Variants in PYROXD2 observed in about 807,000 individuals in gnomAD.
The protein encoded by PYROXD2 is pyridine nucleotide-disulphide oxidoreductase domain 2, also known as pyridine nucleotide-disulfide oxidoreductase domain-containing protein 2.
PYROXD2 carries 69 observed loss-of-function variants against 71.1 expected under a neutral mutation model. The ratio of observed to expected loss-of-function variants is 0.97; its 90% CI spans 0.80 to 1.19. PYROXD2 has a LOEUF of 1.19. PYROXD2 is among the 50% of genes most tolerant of loss of function. PYROXD2 has a pLI of 0.00. For missense variants in PYROXD2, 745 were observed against 748.9 expected (o/e 0.99, Z 0.06); for synonymous variants, 287 against 302.7 (o/e 0.95, Z 0.54).
At chr10:98,408,522 C>T (rs1843686485) in intron 2 of PYROXD2, among the ~76,000 whole-genome samples, 1 of 152,130 alleles carries the variant, frequency 6.6e-6, no homozygotes, top group African/African-American at 2.4e-5. Context: ...CCGGCTTTAC[C>T]CACTTCATAA....
intron 2 of PYROXD2, among the ~76,000 whole-genome samples, chr10:98,409,118 C>T (rs1486557367): frequency 6.6e-6 from 1 of 152,248 alleles, no homozygotes; most frequent in Non-Finnish European, 1.5e-5. Context: ...TCTCCTATTA[C>T]ACAGGAACGA....
Position 98,392,943 on chromosome 10 carries a change from T to C in PYROXD2, c.926A>G (p.Lys309Arg), listed in dbSNP as rs554216343. 63 of 1,612,872 alleles carry C rather than the reference T, an allele frequency of 3.9e-5. No individual in the cohort carries two copies. In the South Asian group the frequency reaches 6.8e-4, roughly 17 times the overall value. The change falls in exon 9 of 16, where the codon AAG becomes AGG. Residue 309 changes from lysine (K) to arginine (R), a missense_variant and splice_region_variant. Transcript: ENST00000370575. ...TTHGASIFTE[K>R]TVAKVQVNSE... Reference sequence around the variant, plus strand: ...GGGTGGGGTAGAGGGGCCGTTCACCTTTTCAGTGAAGATGCTTGCTCCATG... The same window carrying C: ...GGGTGGGGTAGAGGGGCCGTTCACCCTTTCAGTGAAGATGCTTGCTCCATG...
In PYROXD2 at chr10:98,395,095, T is replaced by C. The variant is rs568771752; in HGVS notation, c.785+101A>G. 7.6e-5 allele frequency: 76 copies of C among 1,000,782 alleles called. No individual in the cohort carries two copies. The African/African-American group carries it at 8.7e-4, about 11-fold the overall frequency. 62.0% of individuals were successfully genotyped at this position (1,000,782 alleles called of 1,614,324 possible). ...GGTTCCTGGCTCACTGGGTGAGCTCTGTTAAGTGGCAGCTGTTGTTGCTGC... is the reference window on the plus strand; with the variant it reads ...GGTTCCTGGCTCACTGGGTGAGCTCCGTTAAGTGGCAGCTGTTGTTGCTGC... On this transcript the variant is annotated intron_variant, in intron 8 of 15. Transcript: ENST00000370575.
chr10:98,410,994 T>C (rs1379355707), intron 1 of PYROXD2, 36 bp from the exon 2 acceptor site: 1 of 1,556,382 alleles, frequency 6.4e-7, no homozygotes, highest in Admixed American at 2.0e-5. Context: ...AAAACATCAC[T>C]GGTCAGCGGG....
Position 98,388,410 on chromosome 10 carries a change from G to A in PYROXD2, c.1391C>T (p.Thr464Met), listed in dbSNP as rs563533592. The stretch of plus-strand genomic sequence containing the variant: ...GTCCCAGGCCTTGCCTCCAGCCAGC[G>A]TATAGGGCATGTACTGAGTGAAGAG... ...VSLFTQYMPY[T>M]LAGGKAWDEQ... The change falls in exon 13 of 16, where the codon ACG becomes ATG. Residue 464 changes from threonine (T) to methionine (M), a missense_variant. Coordinates refer to ENST00000370575, the MANE Select transcript of PYROXD2 (RefSeq NM_032709.3). 31 of 1,613,674 alleles carry A rather than the reference G, an allele frequency of 1.9e-5. No homozygotes were observed. In the African/African-American group the frequency reaches 2.3e-4, roughly 12 times the overall value.
chr10:98,390,948 CTGGA>C, intron 11 of PYROXD2, 58 bp downstream of exon 11: 1 of 1,429,350 alleles, frequency 7.0e-7, no homozygotes, highest in Non-Finnish European at 9.9e-7. Context: ...TGCCCCCAGC[CTGGA>C]GGTTTCTCAC....
chr10:98,407,737 CGT>C (rs1843652943), intron 3 of PYROXD2, 82 bp from the exon 4 acceptor site: 1 of 1,354,668 alleles, frequency 7.4e-7, no homozygotes, highest in African/African-American at 2.5e-5. Flanking sequence ...GGATGGAGAC[CGT>C]CACCAGGGGT....
At position 98,410,773 on chromosome 10, in the gene PYROXD2, C is replaced by T. The variant is rs938530157; in HGVS notation, c.147+166G>A. On this transcript the variant is annotated intron_variant, in intron 2 of 15. Transcript: ENST00000370575. ...CCACAGCTGGCTGCAGATGAGCATTCGACCCAGCCCCCAGTCAGCACTGGA... is the reference window on the plus strand; with the variant it reads ...CCACAGCTGGCTGCAGATGAGCATTTGACCCAGCCCCCAGTCAGCACTGGA... The T allele has an allele frequency of 1.7e-5, 17 of 1,001,396 alleles. No individual in the cohort carries two copies. The African/African-American group carries it at 2.5e-4, about 14-fold the overall frequency. 62.0% of individuals were successfully genotyped at this position (1,001,396 alleles called of 1,614,324 possible). A position where few individuals can be genotyped will look rare whatever the true frequency, so the allele number is the denominator to read the frequency against.
intron 4 of PYROXD2, among the ~76,000 whole-genome samples, 158 bp downstream of exon 4, chr10:98,407,424 C>T (rs752897641): frequency 1.3e-5 from 2 of 152,198 alleles, no homozygotes; most frequent in Non-Finnish European, 2.9e-5. Context: ...TGTGGGAATG[C>T]AGCAGGGAGA....
chr10:98,405,246 T>C (rs1843557666), intron 4 of PYROXD2, among the ~76,000 whole-genome samples: 1 of 152,058 alleles, frequency 6.6e-6, no homozygotes, highest in African/African-American at 2.4e-5. Flanking sequence ...TTGACAGCTG[T>C]GGAAACTAAC....
At chr10:98,404,926 T>G (rs1465345168) in intron 4 of PYROXD2, among the ~76,000 whole-genome samples, 2 of 152,066 alleles carry the variant, frequency 1.3e-5, no homozygotes, top group African/African-American at 4.8e-5. Flanking sequence ...GAGCCCTACC[T>G]TAGAGAGATT....
At chr10:98,392,788 T>G (rs1842991034) in intron 9 of PYROXD2, among the ~76,000 whole-genome samples, 154 bp downstream of exon 9, 1 of 152,192 alleles carries the variant, frequency 6.6e-6, no homozygotes, top group South Asian at 2.1e-4. Flanking sequence ...GGTTAGCCAC[T>G]AACAGACTGC....
At chr10:98,412,722 A>G (rs7913541) in intron 1 of PYROXD2, among the ~76,000 whole-genome samples, 55,157 of 152,016 alleles carry the variant, frequency 0.36, 11,145 homozygotes, top group African/African-American at 0.53. Context: ...ACCAGGCTTT[A>G]TGGTATGTTT....
At chr10:98,389,109 A>G (rs1842860944) in intron 12 of PYROXD2, among the ~76,000 whole-genome samples, 1 of 152,064 alleles carries the variant, frequency 6.6e-6, no homozygotes, top group African/African-American at 2.4e-5. Context: ...TTCTCGCTGA[A>G]CTCGGATGTC....
At chr10:98,390,145 G>GTAT (rs1366077365) in intron 12 of PYROXD2, among the ~76,000 whole-genome samples, 1 of 152,152 alleles carries the variant, frequency 6.6e-6, no homozygotes, top group Non-Finnish European at 1.5e-5. Flanking sequence ...GCCCCTGCCT[G>GTAT]TTCCAGAAGA....
At position 98,387,260 on chromosome 10, in the gene PYROXD2, C is replaced by T. The variant is rs147379482; in HGVS notation, c.1495G>A (p.Val499Ile). The change falls in exon 14 of 16, where the codon GTT becomes ATT. Residue 499 changes from valine (V) to isoleucine (I), a missense_variant. By Grantham distance (29) the Val-to-Ile change is conservative (BLOSUM62 3). Transcript: ENST00000370575. ...GGTGGTGTGAGGATGTCTCTGCCAA[C>T]CACAGAGTCCTTGAAGCCAGGGGCA... ...VYAPGFKDSV[V>I]GRDILTPPDL... The T allele has an allele frequency of 3.7e-6, 6 of 1,614,022 alleles. No individual in the cohort carries two copies. In the African/African-American group the frequency reaches 8.0e-5, roughly 22 times the overall value.
chr10:98,412,668 G>A (rs17109771), intron 1 of PYROXD2, among the ~76,000 whole-genome samples: 2,126 of 152,308 alleles, frequency 0.014, 32 homozygotes, highest in Middle Eastern at 0.034. Context: ...CCTTGTCTCA[G>A]AAGATGCCGT....
rs780517837 is a variant in PYROXD2 at position 98,388,385 on chromosome 10, G to C, written c.1416C>G (p.Asp472Glu). ...PYTLAGGKAWDEQERDAYADR... is the reference protein window; with the variant it reads ...PYTLAGGKAWEEQERDAYADR... ...CTGCATAAGCGTCTCTCTCCTGCTC[G>C]TCCCAGGCCTTGCCTCCAGCCAGCG... Residue 472 changes from aspartate to glutamate, a missense_variant, in exon 13 of 16, where the codon GAC becomes GAG. Asp to Glu is a conservative substitution (Grantham distance 45). Coordinates refer to ENST00000370575, the MANE Select transcript of PYROXD2 (RefSeq NM_032709.3). 1.9e-6 allele frequency: 3 copies of C among 1,613,778 alleles called. No homozygotes were observed. The highest frequency in any genetic ancestry group is 2.5e-6 in the Non-Finnish European group (3 of 1,179,950).
chr10:98,407,561 G>A (rs762590195), intron 4 of PYROXD2, 21 bp downstream of exon 4: 85 of 1,612,590 alleles, frequency 5.3e-5, no homozygotes, highest in East Asian at 1.1e-4. Flanking sequence ...CCGTGCAATC[G>A]GGCCGGCGGG....
Sources: gnomAD v4.1 joint callset for allele counts (sites outside exome capture counted in the v4.1 genomes callset) on GRCh38, gnomAD v4.1.1 for gene constraint, MANE v1.5 for transcripts, NCBI Gene and HGNC (gene_info 2026-07-23, HGNC 2026-07-21) for gene names.